The following PRMT3 variants were observed in gnomAD, a reference collection of about 807,000 sequenced individuals.
PRMT3 encodes the protein protein arginine N-methyltransferase 3.
Under a neutral mutation model 71.9 loss-of-function variants are expected in PRMT3, and 62 were observed. The ratio of observed to expected loss-of-function variants is 0.86; its 90% confidence interval spans 0.70 to 1.07. The LOEUF (loss-of-function observed/expected upper bound fraction) is 1.07. Ranked by LOEUF, PRMT3 falls within the 50% of genes least tolerant of loss-of-function variation. The pLI is 0.00. For synonymous variants in PRMT3, 213 were observed against 220.4 expected (o/e 0.97, Z 0.30); for missense variants, 663 against 643.0 (o/e 1.03, Z -0.34).
chr11:20,484,333 G>T (rs1235946710), intron 13 of PRMT3, among the ~76,000 whole-genome samples: 1 of 152,202 alleles, frequency 6.6e-6, no homozygotes, highest in Non-Finnish European at 1.5e-5. Context: ...AAAGAAGGCT[G>T]CCCAGAGGAA....
In PRMT3 at chr11:20,441,365, G is replaced by A. The variant is rs1424051633; in HGVS notation, c.994-10765G>A. On this transcript the variant is annotated intron_variant, in intron 10 of 15. Transcript: ENST00000331079. Reference sequence around the variant, plus strand: ...CTTTCGCCCAGGCTGGAGTGCAGTGGCGCAATCTCGGCTCACTGCAAGCTC... The same window carrying A: ...CTTTCGCCCAGGCTGGAGTGCAGTGACGCAATCTCGGCTCACTGCAAGCTC... Among the ~76,000 whole-genome samples the A allele has an allele frequency of 2.0e-5, 3 of 151,246 alleles. No homozygotes were observed. The South Asian group carries it at 6.2e-4, about 31-fold the overall frequency.
chr11:20,395,950 T>C lies in PRMT3; in HGVS notation c.548T>C (p.Leu183Pro). The C allele has an allele frequency of 1.2e-6, 2 of 1,607,758 alleles. No homozygotes were observed. Among genetic ancestry groups the C allele is most frequent in the Non-Finnish European group, 1.7e-6 (2 of 1,178,422 alleles). The change falls in exon 6 of 16, where the codon CTG (leucine) becomes CCG (proline). Residue 183 changes from leucine (L) to proline (P), a missense_variant. Leu to Pro is a moderately conservative substitution (Grantham distance 98, BLOSUM62 -3). Coordinates refer to ENST00000331079, the MANE Select transcript of PRMT3 (RefSeq NM_005788.4). Reference sequence around the variant, plus strand: ...GCATTGGCCAGAGCACGTGAGGATCTGCAAAAAATGAAGTAATTTATCAAT... The same window carrying C: ...GCATTGGCCAGAGCACGTGAGGATCCGCAAAAAATGAAGTAATTTATCAAT... Reference protein sequence around the residue: ...EAALARAREDLQKMKQFAQDF... With the variant: ...EAALARAREDPQKMKQFAQDF...
In PRMT3 at chr11:20,387,816, A is replaced by G. The variant is rs1426693904; in HGVS notation, c.28+42A>G. The G allele has an allele frequency of 6.5e-7, 1 of 1,540,064 alleles. No individual in the cohort carries two copies. The highest frequency in any genetic ancestry group is 1.2e-5 in the South Asian group (1 of 83,836). On this transcript the variant is annotated intron_variant, in intron 1 of 15. Coordinates refer to ENST00000331079, the MANE Select transcript of PRMT3 (RefSeq NM_005788.4). The surrounding 1 kb of genome is among the most constrained non-coding windows in gnomAD (Gnocchi z 4.3). ...CTCAGCACCCGGCTCGTCCAGCCCCAGGCCGCGCCGCTGTGGGGCCGGTGG... is the reference window on the plus strand; with the variant it reads ...CTCAGCACCCGGCTCGTCCAGCCCCGGGCCGCGCCGCTGTGGGGCCGGTGG...
At chr11:20,491,766 T>C (rs1308633522) in intron 13 of PRMT3, among the ~76,000 whole-genome samples, 3 of 152,184 alleles carry the variant, frequency 2.0e-5, no homozygotes, top group Non-Finnish European at 4.4e-5. Context: ...TCTAAGCTTT[T>C]GCTGTGTGGG....
intron 10 of PRMT3, among the ~76,000 whole-genome samples, chr11:20,446,958 T>G (rs555678065): frequency 1.3e-5 from 2 of 152,302 alleles, no homozygotes; most frequent in East Asian, 3.9e-4. Context: ...ATAATTACTT[T>G]GAAAACTCTC....
chr11:20,483,203 TC>T (rs1213942423), intron 13 of PRMT3, among the ~76,000 whole-genome samples: 1 of 152,162 alleles, frequency 6.6e-6, no homozygotes, highest in Non-Finnish European at 1.5e-5. Context: ...TTAATATTTT[TC>T]AGTTTTAAAC....
intron 9 of PRMT3, among the ~76,000 whole-genome samples, chr11:20,417,759 C>G (rs533508630): frequency 1.3e-5 from 1 of 78,086 alleles, no homozygotes; most frequent in Admixed American, 1.0e-4. Context: ...AAATTTGCTT[C>G]TCTCTCTCTC....
intron 10 of PRMT3, among the ~76,000 whole-genome samples, chr11:20,435,539 T>TTTTG (rs540222908): frequency 0.075 from 11,366 of 152,124 alleles, 578 homozygotes; most frequent in Middle Eastern, 0.16. Context: ...CTAGTTTGAT[T>TTTTG]TTTGTTTGTT....
In PRMT3 at chr11:20,388,056, A is replaced by G; in HGVS notation, c.66A>G (p.Pro22=). ...CTGTGGAGAATGAGGAGGACCTGCC[A>G]GAACTGTCGGACAGCGGGGACGAGG... ...RGAVENEEDL[P]ELSDSGDEAA... The change falls in exon 2 of 16, where the codon CCA becomes CCG. Residue 22 remains proline, a synonymous_variant. Transcript: ENST00000331079. The G allele has an allele frequency of 6.2e-7, 1 of 1,614,066 alleles. No homozygotes were observed. Among genetic ancestry groups the G allele is most frequent in the Non-Finnish European group, 8.5e-7 (1 of 1,180,000 alleles).
At chr11:20,495,306 G>A (rs188909392) in intron 15 of PRMT3, among the ~76,000 whole-genome samples, 4 of 152,130 alleles carry the variant, frequency 2.6e-5, no homozygotes, top group South Asian at 2.1e-4. Flanking sequence ...ATGAGCCACC[G>A]CACCCAGCCG....
Position 20,501,257 on chromosome 11 carries a change from A to G in PRMT3, c.1486+7003A>G, listed in dbSNP as rs531262789. Among the ~76,000 whole-genome samples, 10 of 152,316 alleles carry G rather than the reference A, an allele frequency of 6.6e-5. No individual in the cohort carries two copies. In the South Asian group the frequency reaches 1.7e-3, roughly 25 times the overall value. On this transcript the variant is annotated intron_variant, in intron 15 of 15. Coordinates refer to ENST00000331079, the MANE Select transcript of PRMT3 (RefSeq NM_005788.4). ...GTACTGGAGTTCTAATAGAAGTTCA[A>G]CATCTTAGTGTGCCTCCCTCATTCC... is the stretch of plus-strand genomic sequence containing the variant.
At chr11:20,397,916 G>A (rs75104679) in intron 7 of PRMT3, among the ~76,000 whole-genome samples, 195 bp downstream of exon 7, 6,886 of 150,344 alleles carry the variant, frequency 0.046, 264 homozygotes, top group East Asian at 0.2. Flanking sequence ...GCACATGCCT[G>A]TAATACCAGC....
intron 9 of PRMT3, among the ~76,000 whole-genome samples, chr11:20,413,266 A>G (rs1193825845): frequency 6.6e-6 from 1 of 152,136 alleles, no homozygotes; most frequent in Non-Finnish European, 1.5e-5. Context: ...TCCTCTGTGA[A>G]TGTACTTCTA....
chr11:20,405,959 TC>T (rs1256837535), intron 8 of PRMT3: 1 of 152,182 alleles, frequency 6.6e-6, no homozygotes, highest in Non-Finnish European at 1.5e-5. Context: ...AAACGGTAAT[TC>T]CCCATTCTCC....
intron 8 of PRMT3, chr11:20,406,112 A>T (rs1849064450): frequency 6.6e-6 from 1 of 152,220 alleles, no homozygotes; most frequent in Non-Finnish European, 1.5e-5. Context: ...CCCTCTGTGG[A>T]TACCAGCATC....
chr11:20,393,464 A>G (rs185477507), intron 5 of PRMT3, among the ~76,000 whole-genome samples: 15 of 152,234 alleles, frequency 9.9e-5, no homozygotes, highest in Admixed American at 2.6e-4. Context: ...TGCTTCATGT[A>G]TTTTGGAGCT....
intron 13 of PRMT3, among the ~76,000 whole-genome samples, chr11:20,489,415 G>A (rs538661640): frequency 2.2e-4 from 33 of 152,162 alleles, no homozygotes; most frequent in Non-Finnish European, 3.2e-4. Context: ...GATCTTTTAC[G>A]AGCATATGTC....
chr11:20,408,359 A>C (rs1849119343), intron 9 of PRMT3, among the ~76,000 whole-genome samples: 1 of 151,920 alleles, frequency 6.6e-6, no homozygotes. Context: ...AGGACTCCCT[A>C]CTTACTAATA....
At chr11:20,471,290 C>T (rs578020272) in intron 13 of PRMT3, among the ~76,000 whole-genome samples, 33 of 151,992 alleles carry the variant, frequency 2.2e-4, no homozygotes, top group Non-Finnish European at 3.1e-4. Context: ...AATCTTTGCC[C>T]GTGCCTATGT....
Sources: allele counts gnomAD v4.1 joint callset (sites outside exome capture counted in the v4.1 genomes callset), GRCh38; gene constraint gnomAD v4.1.1; non-coding constraint Gnocchi (gnomAD v3.1); transcripts MANE v1.5; gene names NCBI Gene and HGNC (gene_info 2026-07-23, HGNC 2026-07-21).